The following C19orf47 variants were observed in gnomAD, a reference collection of about 807,000 sequenced individuals.
The protein encoded by C19orf47 is chromosome 19 open reading frame 47, also known as uncharacterized protein C19orf47.
In C19orf47, 18 loss-of-function variants were observed where a neutral mutation model predicts 32.3. The observed-to-expected ratio is 0.56, with a 90% CI of 0.39 to 0.83. The LOEUF (loss-of-function observed/expected upper bound fraction) is 0.83. Ranked by LOEUF, C19orf47 falls within the 40% of genes least tolerant of loss-of-function variation. The pLI, the probability that C19orf47 is intolerant of heterozygous loss-of-function variation, is 0.00. For missense variants in C19orf47, 484 were observed against 531.6 expected (o/e 0.91, Z 0.88); for synonymous variants, 202 against 211.1 (o/e 0.96, Z 0.37).
rs754104201 is a variant in C19orf47, at chr19:40,336,167, C to T, written c.165G>A (p.Val55=). 6.2e-7 allele frequency: 1 copy of T among 1,614,224 alleles called. No homozygotes were observed. The highest frequency in any genetic ancestry group is 2.2e-5 in the East Asian group (1 of 44,886). The change falls in exon 4 of 9, where the codon GTG becomes GTA. Residue 55 remains valine, a synonymous_variant. Transcript: ENST00000683109. The stretch of plus-strand genomic sequence containing the variant: ...TGGCGATGATGTCACCCACCACGGT[C>T]ACGCCCAGCTCATTCATTATCTCCT... ...LNKEIMNELG[V]TVVGDIIAIL...
chr19:40,307,035 C>T, the C19orf47 span, among the ~76,000 whole-genome samples: 2 of 151,108 alleles, frequency 1.3e-5, no homozygotes, highest in African/African-American at 4.9e-5. Flanking sequence ...GTGATCCGCC[C>T]GCCTGGGCCT....
At chr19:40,324,359 C>T in intron 7 of C19orf47, 1 of 477,782 alleles carries the variant, frequency 2.1e-6, no homozygotes, top group Admixed American at 3.3e-5. Context: ...TTAGTGCCTG[C>T]ATGTTCCTTT....
Position 40,319,861 on chromosome 19 carries a change from G to GTA in C19orf47, c.*2019_*2020dup, listed in dbSNP as rs995904560. 1 of 154,020 alleles carries GTA rather than the reference G, an allele frequency of 6.5e-6. No homozygotes were observed. The highest frequency in any genetic ancestry group is 1.5e-5 in the Non-Finnish European group (1 of 68,332). 9.5% of individuals were successfully genotyped at this position (154,020 alleles called of 1,614,324 possible). A position where few individuals can be genotyped will look rare whatever the true frequency, so the allele number is the denominator to read the frequency against. On this transcript the variant is annotated 3_prime_UTR_variant, in exon 9 of 9. Coordinates refer to ENST00000683109, the MANE Select transcript of C19orf47 (RefSeq NM_001256441.2). ...AAGGCCCTTGGCTTTGATTCCAGCTGTACCCTGCGCACTGTCAGCAGCCAT... is the reference window on the plus strand; with the variant it reads ...AAGGCCCTTGGCTTTGATTCCAGCTGTATACCCTGCGCACTGTCAGCAGCCAT...
rs1223028628 is a variant in C19orf47, at chr19:40,336,126, T to C, written c.206A>G (p.Lys69Arg). The C allele has an allele frequency of 2.5e-6, 4 of 1,614,152 alleles. No homozygotes were observed. The highest frequency in any genetic ancestry group is 2.7e-5 in the African/African-American group (2 of 75,048). Residue 69 changes from lysine to arginine, a missense_variant, in exon 4 of 9, where the codon AAA becomes AGA. Lys to Arg is a conservative substitution (Grantham distance 26). This residue lies in a region of C19orf47 where 376 missense variants were observed against 370.2 expected (regional missense o/e 1.02). Transcript: ENST00000683109. The part of the protein sequence containing the change: ...GDIIAILKHA[K>R]VVHRQDMCKA... The stretch of plus-strand genomic sequence containing the variant: ...AGCACCCACCTGACGGTGCACCACT[T>C]TGGCATGCTTGAGAATGGCGATGAT...
At chr19:40,293,159 G>A in the C19orf47 span, among the ~76,000 whole-genome samples, 5 of 147,576 alleles carry the variant, frequency 3.4e-5, no homozygotes, top group East Asian at 3.9e-4. Context: ...TTTTTTTCTC[G>A]AGATGGAGTC....
intron 8 of C19orf47, 64 bp downstream of exon 8, chr19:40,323,941 CA>C (rs1193770846): frequency 3.8e-6 from 6 of 1,588,828 alleles, no homozygotes; most frequent in Non-Finnish European, 5.2e-6. Flanking sequence ...GTTAAAGAGT[CA>C]GGAGCACCGC....
At chr19:40,305,198 C>T in the C19orf47 span, among the ~76,000 whole-genome samples, 3 of 152,156 alleles carry the variant, frequency 2.0e-5, no homozygotes, top group East Asian at 5.8e-4. Context: ...CAAAAATTAG[C>T]CAGGCGTTGT....
intron 5 of C19orf47, among the ~76,000 whole-genome samples, chr19:40,331,125 C>T (rs1195415090): frequency 1.3e-5 from 2 of 152,226 alleles, no homozygotes; most frequent in Non-Finnish European, 2.9e-5. Context: ...TGGGTAGGCC[C>T]TACCCACAAT....
At chr19:40,322,948 CAG>C (rs1358115953) in intron 8 of C19orf47, among the ~76,000 whole-genome samples, 5 of 152,338 alleles carry the variant, frequency 3.3e-5, no homozygotes, top group African/African-American at 1.2e-4. Context: ...GGGCAGAAGA[CAG>C]GGGTGGCTCC....
At chr19:40,318,999 C>T (rs1465933350), downstream of C19orf47, among the ~76,000 whole-genome samples, 4 of 152,150 alleles carry the variant, frequency 2.6e-5, no homozygotes, top group Admixed American at 2.0e-4. Flanking sequence ...GGTCCAGGCG[C>T]AGTGGCTCAC....
At chr19:40,319,044 G>A (rs911529564), downstream of C19orf47, among the ~76,000 whole-genome samples, 10 of 152,230 alleles carry the variant, frequency 6.6e-5, no homozygotes, top group African/African-American at 2.2e-4. Context: ...GGCTGAGGCG[G>A]GCGGATCACC....
intron 1 of C19orf47, 108 bp downstream of exon 1, chr19:40,348,216 C>G: frequency 1.4e-6 from 1 of 692,684 alleles, no homozygotes; most frequent in Non-Finnish European, 2.1e-6. Flanking sequence ...AGAAACAAAT[C>G]GTAAGTCCGA....
In C19orf47 at chr19:40,348,333, CG is replaced by C; in HGVS notation, c.-44del. The C allele has an allele frequency of 2.2e-6, 3 of 1,360,566 alleles. No homozygotes were observed. The South Asian group carries it at 4.9e-5, about 22-fold the overall frequency. The allele number at this position is 1,360,566 out of a possible 1,614,324, so 84.3% of individuals were successfully genotyped here. Reference sequence around the variant, plus strand: ...CCGGCCCGCGCCTCACCTGGCCCACCGGGCCCGCGCCCACTCGCGCCGCCCG... The same window carrying C: ...CCGGCCCGCGCCTCACCTGGCCCACCGGCCCGCGCCCACTCGCGCCGCCCG... On this transcript the variant is annotated 5_prime_UTR_variant, in exon 1 of 9. Transcript: ENST00000683109.
In C19orf47 at chr19:40,320,049, G is replaced by A. The variant is rs1443821317; in HGVS notation, c.*1833C>T. On this transcript the variant is annotated 3_prime_UTR_variant, in exon 9 of 9. Coordinates refer to ENST00000683109, the MANE Select transcript of C19orf47 (RefSeq NM_001256441.2). ...GGTCTAACATCTAGGCGGGCCCTAT[G>A]ATTCTCATCTTCTCTAGCCCCAACT... 1 of 154,128 alleles carries A rather than the reference G, an allele frequency of 6.5e-6. No homozygotes were observed. Among genetic ancestry groups the A allele is most frequent in the Non-Finnish European group, 1.5e-5 (1 of 68,368 alleles). 9.5% of individuals were successfully genotyped at this position (154,128 alleles called of 1,614,324 possible).
intron 7 of C19orf47, chr19:40,324,685 T>C (rs966419029): frequency 2.0e-5 from 3 of 152,842 alleles, no homozygotes; most frequent in Admixed American, 6.5e-5. Flanking sequence ...TGAGACCCCA[T>C]GTCTAAATAT....
chr19:40,339,655 CCACTGGTAATA>C (rs1052433506), intron 2 of C19orf47, among the ~76,000 whole-genome samples: 2 of 151,842 alleles, frequency 1.3e-5, no homozygotes, highest in African/African-American at 4.8e-5. Context: ...TAGGAATGTC[CCACTGGTAATA>C]CAACTATAAA....
intron 2 of C19orf47, 45 bp downstream of exon 2, chr19:40,341,793 AG>A: frequency 6.5e-7 from 1 of 1,535,526 alleles, no homozygotes; most frequent in Non-Finnish European, 8.7e-7. Flanking sequence ...TACCTCAAAA[AG>A]GGCAGTGGGG....
In C19orf47 at chr19:40,322,161, C is replaced by T. The variant is rs760183720; in HGVS notation, c.879G>A (p.Arg293=). ...SATTAAAPTL[R]RLALSSRSGL... ...CAGACCGTGAGGAAAGCGCCAGGCG[C>T]CGCAGTGTCGGGGCAGCAGCCGTTG... Residue 293 remains arginine, a synonymous_variant, in exon 9 of 9, where the codon CGG becomes CGA. Transcript: ENST00000683109. The T allele has an allele frequency of 6.2e-7, 1 of 1,613,512 alleles. No individual in the cohort carries two copies. The highest frequency in any genetic ancestry group is 1.1e-5 in the South Asian group (1 of 91,072).
the C19orf47 span, among the ~76,000 whole-genome samples, chr19:40,299,101 T>A: frequency 6.6e-6 from 1 of 152,210 alleles, no homozygotes; most frequent in Admixed American, 6.6e-5. Flanking sequence ...CCTTAAAAAA[T>A]TATGTCTTAT....
Sources: gnomAD v4.1 joint callset for allele counts (sites outside exome capture counted in the v4.1 genomes callset) on GRCh38, gnomAD v4.1.1 for gene constraint, gnomAD v4.1.1 regional missense constraint, MANE v1.5 for transcripts, NCBI Gene and HGNC (gene_info 2026-07-23, HGNC 2026-07-21) for gene names.